SKAP2: variants seen among roughly 807,000 people sequenced by gnomAD.
The protein encoded by SKAP2 is src kinase associated phosphoprotein 2.
SKAP2 carries 28 observed loss-of-function variants against 54.9 expected under a neutral mutation model. The observed-to-expected ratio is 0.51, with a 90% confidence interval of 0.38 to 0.70. The LOEUF is 0.70. Among genes scored for constraint, SKAP2 ranks in the 30% least tolerant of loss-of-function variants. SKAP2 has a pLI of 0.00. For missense variants in SKAP2, 356 were observed against 424.1 expected, an observed-to-expected ratio of 0.84 and a Z score of 1.41; for synonymous variants, 137 against 134.3, an observed-to-expected ratio of 1.02 and a Z score of -0.14.
At chr7:26,722,807 G>C (rs1480686002) in intron 9 of SKAP2, among the ~76,000 whole-genome samples, 1 of 152,196 alleles carries the variant, frequency 6.6e-6, no homozygotes, top group Non-Finnish European at 1.5e-5. Flanking sequence ...ATTAGAGTAA[G>C]AGCTTTCGTT....
downstream of SKAP2, among the ~76,000 whole-genome samples, chr7:26,662,737 T>C (rs554371638): frequency 6.6e-6 from 1 of 152,180 alleles, no homozygotes; most frequent in African/African-American, 2.4e-5. Context: ...ATTCACAAGA[T>C]TGCTACATTT....
At chr7:26,765,870 A>G (rs1014280802) in intron 4 of SKAP2, among the ~76,000 whole-genome samples, 3 of 152,174 alleles carry the variant, frequency 2.0e-5, no homozygotes, top group Admixed American at 1.3e-4. Context: ...GGGTTACCAT[A>G]GCCTTGTAGT....
chr7:26,826,774 A>T (rs1784500278), intron 4 of SKAP2, among the ~76,000 whole-genome samples: 1 of 152,200 alleles, frequency 6.6e-6, no homozygotes, highest in Admixed American at 6.5e-5. Context: ...GTCCTTAAAG[A>T]CAGTGACATA....
At chr7:26,738,413 T>A (rs1313894975) in intron 6 of SKAP2, among the ~76,000 whole-genome samples, 1 of 152,226 alleles carries the variant, frequency 6.6e-6, no homozygotes, top group Non-Finnish European at 1.5e-5. Flanking sequence ...TTTTATCTAA[T>A]TTTATTTTAA....
downstream of SKAP2, among the ~76,000 whole-genome samples, chr7:26,663,822 C>T (rs970241187): frequency 6.6e-6 from 1 of 152,102 alleles, no homozygotes; most frequent in Non-Finnish European, 1.5e-5. Context: ...CCTCTCTGGA[C>T]TCTGCTGCTT....
intron 4 of SKAP2, among the ~76,000 whole-genome samples, chr7:26,817,504 T>C (rs980332928): frequency 3.3e-5 from 5 of 152,182 alleles, no homozygotes; most frequent in African/African-American, 1.2e-4. Context: ...ACAACACCTA[T>C]GTCTCATGCA....
chr7:26,753,109 C>A (rs1456929451), intron 4 of SKAP2, among the ~76,000 whole-genome samples: 1 of 152,158 alleles, frequency 6.6e-6, no homozygotes, highest in Non-Finnish European at 1.5e-5. Flanking sequence ...TAAAAGCATA[C>A]CACATGCTTA....
intron 9 of SKAP2, among the ~76,000 whole-genome samples, chr7:26,718,341 GAAGA>G (rs1221236813): frequency 2.0e-5 from 3 of 151,874 alleles, no homozygotes; most frequent in Admixed American, 1.3e-4. Flanking sequence ...CAAAAGGCCA[GAAGA>G]AAGTAAATAA....
chr7:26,661,637 A>T, the SKAP2 span, among the ~76,000 whole-genome samples: 1 of 152,170 alleles, frequency 6.6e-6, no homozygotes, highest in Non-Finnish European at 1.5e-5. Flanking sequence ...TGATCAAAAA[A>T]TGCATTGAAA....
intron 4 of SKAP2, among the ~76,000 whole-genome samples, chr7:26,822,845 T>A (rs59254259): frequency 1.3e-5 from 2 of 150,288 alleles, no homozygotes; most frequent in African/African-American, 4.9e-5. Flanking sequence ...AATGCACCAC[T>A]GCACTCCAGC....
intron 4 of SKAP2, chr7:26,746,546 T>C (rs1277625078): frequency 1.3e-5 from 2 of 152,030 alleles, no homozygotes; most frequent in East Asian, 3.9e-4. Flanking sequence ...AGCTTAGCTG[T>C]ACATTGATAC....
intron 4 of SKAP2, among the ~76,000 whole-genome samples, chr7:26,797,066 T>G (rs1783796163): frequency 6.6e-6 from 1 of 152,224 alleles, no homozygotes; most frequent in Non-Finnish European, 1.5e-5. Context: ...ATCAGAAGTG[T>G]TGGACTTGAC....
At chr7:26,814,147 G>C (rs918655934) in intron 4 of SKAP2, among the ~76,000 whole-genome samples, 5 of 150,688 alleles carry the variant, frequency 3.3e-5, no homozygotes, top group African/African-American at 1.2e-4. Context: ...TTTAACAAAA[G>C]CACAATTAAT....
the SKAP2 span, among the ~76,000 whole-genome samples, chr7:26,656,799 C>T: frequency 6.6e-6 from 1 of 152,018 alleles, no homozygotes; most frequent in Non-Finnish European, 1.5e-5. Flanking sequence ...GTACCTCTTA[C>T]TTTCTATGGT....
chr7:26,857,543 C>T (rs1350989076), intron 1 of SKAP2: 1 of 985,300 alleles, frequency 1.0e-6, no homozygotes, highest in Non-Finnish European at 1.2e-6. Context: ...CTGAGCAACA[C>T]ACCGATCCTG....
intron 2 of SKAP2, among the ~76,000 whole-genome samples, chr7:26,854,409 T>C (rs1354424241): frequency 1.3e-5 from 2 of 152,054 alleles, no homozygotes; most frequent in African/African-American, 4.8e-5. Flanking sequence ...CATGTAAATA[T>C]ATTACATTTA....
chr7:26,663,889 T>A (rs1483726029), downstream of SKAP2, among the ~76,000 whole-genome samples: 3 of 152,156 alleles, frequency 2.0e-5, no homozygotes, highest in Non-Finnish European at 4.4e-5. Context: ...GCATAAAAGT[T>A]TCGTCTCCAT....
chr7:26,714,910 T>C (rs1218516503), intron 9 of SKAP2, among the ~76,000 whole-genome samples: 2 of 152,174 alleles, frequency 1.3e-5, no homozygotes, highest in Non-Finnish European at 2.9e-5. Flanking sequence ...AGACAAATCA[T>C]ATCTGAAGAA....
rs369147654 is a variant in SKAP2 at position 26,737,263 on chromosome 7, C to T, written c.469+1532G>A. On this transcript the variant is annotated intron_variant, in intron 6 of 12. Transcript: ENST00000345317. ...CTATATTTCTATGATCTGTGATAAT[C>T]GTAACTGAACTTGGACTCTAAATTT... Among the ~76,000 whole-genome samples, 23 of 152,280 alleles carry T rather than the reference C, an allele frequency of 1.5e-4. 1 individual carries two copies. The East Asian group carries it at 3.3e-3, about 22-fold the overall frequency.
Sources: allele counts gnomAD v4.1 joint callset (sites outside exome capture counted in the v4.1 genomes callset), GRCh38; gene constraint gnomAD v4.1.1; transcripts MANE v1.5; gene names NCBI Gene and HGNC (gene_info 2026-07-23, HGNC 2026-07-21).